The following PRKG1 variants were observed in gnomAD, a reference collection of about 807,000 sequenced individuals.
PRKG1 encodes protein kinase cGMP-dependent 1.
In PRKG1, 35 loss-of-function variants were observed where a neutral mutation model predicts 88.1. That is an observed-to-expected ratio of 0.40 (90% CI 0.30 to 0.53). PRKG1 has a LOEUF of 0.53. Ranked by LOEUF, PRKG1 falls within the 20% of genes least tolerant of loss-of-function variation. PRKG1 has a pLI of 0.59. For synonymous variants in PRKG1, 303 were observed against 292.5 expected, an observed-to-expected ratio of 1.04 and a Z score of -0.37; for missense variants, 540 against 839.8, an observed-to-expected ratio of 0.64 and a Z score of 4.41.
intron 12 of PRKG1, among the ~76,000 whole-genome samples, chr10:52,275,175 C>T (rs1426618998): frequency 2.0e-5 from 3 of 152,128 alleles, no homozygotes; most frequent in African/African-American, 7.2e-5. Flanking sequence ...TGCAAAAGCT[C>T]ATCAGTTAAA....
At chr10:51,793,408 G>A (rs555472259) in intron 3 of PRKG1, among the ~76,000 whole-genome samples, 29 of 152,086 alleles carry the variant, frequency 1.9e-4, no homozygotes, top group Admixed American at 3.3e-4. Flanking sequence ...TTATGGGATA[G>A]CATCAAAAGA....
intron 2 of PRKG1, among the ~76,000 whole-genome samples, chr10:51,216,372 C>T (rs1589252032): frequency 6.6e-6 from 1 of 152,302 alleles, no homozygotes; most frequent in Admixed American, 6.5e-5. Context: ...AGAAAGTCAA[C>T]AGAGATTCTG....
At chr10:52,019,145 A>G (rs973135129) in intron 5 of PRKG1, among the ~76,000 whole-genome samples, 3 of 152,044 alleles carry the variant, frequency 2.0e-5, no homozygotes, top group Non-Finnish European at 4.4e-5. Context: ...CTTTCCTAAG[A>G]ACTAATGGAG....
intron 5 of PRKG1, among the ~76,000 whole-genome samples, chr10:51,988,380 C>T (rs1844217762): frequency 6.6e-6 from 1 of 151,924 alleles, no homozygotes; most frequent in South Asian, 2.1e-4. Context: ...TTATAGTGAA[C>T]CTACTTGTAC....
At chr10:51,813,817 C>T (rs1839516903) in intron 4 of PRKG1, among the ~76,000 whole-genome samples, 1 of 152,146 alleles carries the variant, frequency 6.6e-6, no homozygotes, top group African/African-American at 2.4e-5. Context: ...ATTTTTCTCT[C>T]TCAGTGCCCT....
chr10:51,479,587 T>A lies in PRKG1; in HGVS notation c.592+11751T>A, dbSNP rs76923740. Among the ~76,000 whole-genome samples, 1,147 of 152,222 alleles carry A rather than the reference T, an allele frequency of 7.5e-3. 13 individuals carry two copies. Among genetic ancestry groups the A allele is most frequent in the African/African-American group, 0.025 (1,056 of 41,574 alleles). On this transcript the variant is annotated intron_variant, in intron 3 of 17. Transcript: ENST00000373980. Reference sequence around the variant, plus strand: ...TACTCATCTTCCAATTTTTTTCAATTCATTTTTGCTATTAAAAAATTGTTT... The same window carrying A: ...TACTCATCTTCCAATTTTTTTCAATACATTTTTGCTATTAAAAAATTGTTT...
intron 3 of PRKG1, among the ~76,000 whole-genome samples, chr10:51,510,725 C>A (rs1298919623): frequency 6.7e-6 from 1 of 150,280 alleles, no homozygotes; most frequent in Admixed American, 6.7e-5. Flanking sequence ...ATATTATATG[C>A]CTTTCCCTGC....
At chr10:52,188,022 T>C (rs1180331551) in intron 9 of PRKG1, among the ~76,000 whole-genome samples, 3 of 152,002 alleles carry the variant, frequency 2.0e-5, no homozygotes, top group East Asian at 3.9e-4. Context: ...CAGTAGACTT[T>C]TACAATGGTT....
chr10:51,278,765 T>C (rs1339864750), intron 2 of PRKG1, among the ~76,000 whole-genome samples: 1 of 152,216 alleles, frequency 6.6e-6, no homozygotes, highest in Non-Finnish European at 1.5e-5. Context: ...TATTCTCTGA[T>C]GGTAGTTTGT....
intron 2 of PRKG1, among the ~76,000 whole-genome samples, chr10:51,241,848 A>G (rs1839161088): frequency 6.6e-6 from 1 of 152,072 alleles, no homozygotes; most frequent in African/African-American, 2.4e-5. Flanking sequence ...TAAAAAATCA[A>G]CCATCCAGTA....
At chr10:51,730,353 G>A (rs904080531) in intron 3 of PRKG1, among the ~76,000 whole-genome samples, 1 of 152,182 alleles carries the variant, frequency 6.6e-6, no homozygotes, top group Non-Finnish European at 1.5e-5. Context: ...GTAATGAAGT[G>A]CAAACATGAA....
chr10:51,113,728 TA>T lies in PRKG1; in HGVS notation c.311+38848del, dbSNP rs59764267. ...GTAGGAATATTTTGAGCATTCTATTTAAAAAAAAAAAAAAAAAAAAACTAAA... is the reference window on the plus strand; with the variant it reads ...GTAGGAATATTTTGAGCATTCTATTTAAAAAAAAAAAAAAAAAAAACTAAA... On this transcript the variant is annotated intron_variant, in intron 1 of 17. Transcript: ENST00000373980. Among the ~76,000 whole-genome samples the T allele has an allele frequency of 9.3e-3, 863 of 92,390 alleles. 12 individuals are homozygous for T. The highest frequency in any genetic ancestry group is 0.028 in the African/African-American group (796 of 28,454). 60.6% of individuals were successfully genotyped at this position (92,390 alleles called of 152,430 possible). A position where few individuals can be genotyped will look rare whatever the true frequency, so the allele number is the denominator to read the frequency against.
intron 2 of PRKG1, among the ~76,000 whole-genome samples, chr10:51,156,003 C>T (rs142784346): frequency 1.3e-5 from 2 of 151,940 alleles, no homozygotes; most frequent in East Asian, 3.9e-4. Flanking sequence ...CACCTTGGCA[C>T]CCATACATAT....
At chr10:51,183,076 GTCCTTTTACC>G (rs1252320726) in intron 2 of PRKG1, among the ~76,000 whole-genome samples, 1 of 152,102 alleles carries the variant, frequency 6.6e-6, no homozygotes, top group African/African-American at 2.4e-5. Flanking sequence ...AGTTTTTCTG[GTCCTTTTACC>G]TCCTTAAAGT....
intron 2 of PRKG1, among the ~76,000 whole-genome samples, chr10:51,382,561 A>G (rs1837135517): frequency 1.3e-5 from 2 of 151,634 alleles, no homozygotes; most frequent in Admixed American, 1.3e-4. Flanking sequence ...ATACTTCTTT[A>G]TAAGCATCTC....
At chr10:51,872,653 GCTTA>G (rs1220353808) in intron 4 of PRKG1, among the ~76,000 whole-genome samples, 1 of 151,960 alleles carries the variant, frequency 6.6e-6, no homozygotes, top group African/African-American at 2.4e-5. Context: ...CTTACCACGT[GCTTA>G]CTGGTAAATC....
At chr10:51,182,981 G>T (rs549110379) in intron 2 of PRKG1, among the ~76,000 whole-genome samples, 1 of 152,100 alleles carries the variant, frequency 6.6e-6, no homozygotes, top group Middle Eastern at 3.4e-3. Flanking sequence ...TATTGATTTT[G>T]GACATATTTA....
At chr10:51,569,372 A>G (rs1023551712) in intron 3 of PRKG1, among the ~76,000 whole-genome samples, 4 of 152,086 alleles carry the variant, frequency 2.6e-5, no homozygotes, top group African/African-American at 9.7e-5. Flanking sequence ...ATCAAAACAT[A>G]GGAGAAAGGA....
At chr10:51,283,444 A>G (rs1840353575) in intron 2 of PRKG1, among the ~76,000 whole-genome samples, 2 of 152,152 alleles carry the variant, frequency 1.3e-5, no homozygotes, top group Admixed American at 6.5e-5. Context: ...CAGGCATACT[A>G]TTTGAAAGCA....
Sources: gnomAD v4.1 joint callset for allele counts (sites outside exome capture counted in the v4.1 genomes callset) on GRCh38, gnomAD v4.1.1 for gene constraint, MANE v1.5 for transcripts, NCBI Gene and HGNC (gene_info 2026-07-23, HGNC 2026-07-21) for gene names.